The following PRELID2 variants were observed in gnomAD, a reference collection of about 807,000 sequenced individuals.
The protein encoded by PRELID2 is PRELI domain containing 2, also known as PRELI domain-containing protein 2.
In PRELID2, 25 loss-of-function variants were observed where a neutral mutation model predicts 28.4. That is an observed-to-expected ratio of 0.88 (90% CI 0.64 to 1.23). PRELID2 has a LOEUF of 1.23. Ranked by LOEUF, PRELID2 falls within the 50% of genes most tolerant of loss-of-function variation. PRELID2 has a pLI of 0.00. For missense variants in PRELID2, 201 were observed against 214.4 expected (o/e 0.94, Z 0.39); for synonymous variants, 76 against 71.6 (o/e 1.06, Z -0.31).
chr5:145,439,761 C>T, the PRELID2 span, among the ~76,000 whole-genome samples: 1 of 152,032 alleles, frequency 6.6e-6, no homozygotes, highest in Non-Finnish European at 1.5e-5. Context: ...TGCTTTCTGG[C>T]CTTCTGTACT....
At chr5:145,283,430 G>T in the PRELID2 span, among the ~76,000 whole-genome samples, 1 of 152,176 alleles carries the variant, frequency 6.6e-6, no homozygotes, top group African/African-American at 2.4e-5. Flanking sequence ...TAATGAAATG[G>T]TTCTCTAAGT....
the PRELID2 span, among the ~76,000 whole-genome samples, chr5:145,433,776 C>A: frequency 6.6e-6 from 1 of 152,156 alleles, no homozygotes; most frequent in South Asian, 2.1e-4. Flanking sequence ...ACAACAGCAA[C>A]TTCTCTTTGT....
At chr5:145,523,808 T>TTTAGTTATC (rs1334560455) in intron 1 of PRELID2, among the ~76,000 whole-genome samples, 2 of 152,146 alleles carry the variant, frequency 1.3e-5, no homozygotes, top group African/African-American at 2.4e-5. Flanking sequence ...ACTGTATATT[T>TTTAGTTATC]TTAGTTATCT....
chr5:145,521,517 G>C (rs146415406), intron 1 of PRELID2, among the ~76,000 whole-genome samples: 4 of 152,048 alleles, frequency 2.6e-5, no homozygotes, highest in African/African-American at 9.7e-5. Flanking sequence ...TTTTAAATGA[G>C]TCGTTTTTAA....
intron 5 of PRELID2, among the ~76,000 whole-genome samples, chr5:145,769,782 G>A (rs73304074): frequency 0.031 from 4,675 of 152,274 alleles, 229 homozygotes; most frequent in African/African-American, 0.1. Flanking sequence ...GGGAAGCTAC[G>A]TGGAACAGGG....
chr5:145,532,626 G>T (rs750439550), intron 1 of PRELID2, among the ~76,000 whole-genome samples: 7 of 151,796 alleles, frequency 4.6e-5, no homozygotes, highest in Non-Finnish European at 1.0e-4. Context: ...TCCCCATCCT[G>T]CCCCCAGCCC....
chr5:145,753,513 G>A (rs569628313), downstream of PRELID2, among the ~76,000 whole-genome samples: 3 of 152,262 alleles, frequency 2.0e-5, no homozygotes, highest in African/African-American at 4.8e-5. Context: ...TTTTCTGAAG[G>A]ACTTGAGGTA....
chr5:145,281,262 A>G, the PRELID2 span, among the ~76,000 whole-genome samples: 1 of 152,208 alleles, frequency 6.6e-6, no homozygotes, highest in Non-Finnish European at 1.5e-5. Flanking sequence ...ATTTATTGGA[A>G]CTAGATCAAC....
At chr5:145,229,856 G>C in the PRELID2 span, 4 of 756,030 alleles carry the variant, frequency 5.3e-6, no homozygotes, top group Non-Finnish European at 9.7e-6. Context: ...CGGCAGAAGG[G>C]AAAGTGCAGG....
the PRELID2 span, among the ~76,000 whole-genome samples, chr5:145,410,776 C>T: frequency 6.6e-6 from 1 of 152,000 alleles, no homozygotes; most frequent in East Asian, 1.9e-4. Flanking sequence ...CATTCTGCCA[C>T]TGCACTCCCG....
intron 1 of PRELID2, chr5:145,826,257 G>T (rs990489961): frequency 2.5e-6 from 2 of 814,386 alleles, no homozygotes; most frequent in African/African-American, 1.9e-5. Context: ...TGTAAAGCCC[G>T]CAGACAAGCA....
At chr5:145,576,710 T>C (rs892615502) in intron 1 of PRELID2, among the ~76,000 whole-genome samples, 1 of 151,742 alleles carries the variant, frequency 6.6e-6, no homozygotes, top group Non-Finnish European at 1.5e-5. Context: ...TGTTAAATTG[T>C]ACAAAAATAG....
chr5:145,408,166 A>C, the PRELID2 span, among the ~76,000 whole-genome samples: 1 of 152,134 alleles, frequency 6.6e-6, no homozygotes, highest in African/African-American at 2.4e-5. Flanking sequence ...CTTGAGGTTT[A>C]GATCTTTCCA....
At chr5:145,257,879 G>A in the PRELID2 span, among the ~76,000 whole-genome samples, 4 of 152,108 alleles carry the variant, frequency 2.6e-5, no homozygotes, top group African/African-American at 9.7e-5. Flanking sequence ...GTGGGGCCTG[G>A]CGGGAGGTGA....
At chr5:145,259,470 C>T in the PRELID2 span, among the ~76,000 whole-genome samples, 2 of 152,234 alleles carry the variant, frequency 1.3e-5, no homozygotes, top group African/African-American at 2.4e-5. Flanking sequence ...CCACCCTTTG[C>T]ACCAGCATTC....
chr5:145,570,458 A>C (rs1159566055), intron 1 of PRELID2, among the ~76,000 whole-genome samples: 1 of 152,210 alleles, frequency 6.6e-6, no homozygotes, highest in Non-Finnish European at 1.5e-5. Flanking sequence ...TAAACACAGT[A>C]AAACTACATT....
chr5:145,773,450 AT>A (rs1165220040), intron 5 of PRELID2, among the ~76,000 whole-genome samples: 1 of 152,158 alleles, frequency 6.6e-6, no homozygotes, highest in Non-Finnish European at 1.5e-5. Context: ...ATATAATTTT[AT>A]TTTTCCTCAC....
chr5:145,238,275 G>C, the PRELID2 span, among the ~76,000 whole-genome samples: 6 of 152,114 alleles, frequency 3.9e-5, no homozygotes, highest in African/African-American at 1.4e-4. Context: ...TAAGGTAATT[G>C]TTATCCCCAT....
At chr5:145,411,362 C>T in the PRELID2 span, among the ~76,000 whole-genome samples, 1 of 152,168 alleles carries the variant, frequency 6.6e-6, no homozygotes, top group East Asian at 1.9e-4. Flanking sequence ...TCCCACTGGG[C>T]ACCTCCCACA....
Sources: gnomAD v4.1 joint callset for allele counts (sites outside exome capture counted in the v4.1 genomes callset) on GRCh38, gnomAD v4.1.1 for gene constraint, MANE v1.5 for transcripts, NCBI Gene and HGNC (gene_info 2026-07-23, HGNC 2026-07-21) for gene names.